Variants in ADGRL3 observed in about 807,000 individuals in gnomAD.
ADGRL3 encodes the protein adhesion G protein-coupled receptor L3.
In ADGRL3, 62 loss-of-function variants were observed where a neutral mutation model predicts 153.5. That is an observed-to-expected ratio of 0.40 (90% CI 0.33 to 0.50). The LOEUF is 0.50. Among genes scored for constraint, ADGRL3 ranks in the 20% least tolerant of loss-of-function variants. The pLI, the probability that ADGRL3 is intolerant of heterozygous loss-of-function variation, is 0.47. For missense variants in ADGRL3, 1,641 were observed against 1,859.4 expected (o/e 0.88, Z 2.16); for synonymous variants, 710 against 672.5 (o/e 1.06, Z -0.86).
At chr4:61,982,368 T>G (rs1340889445) in intron 18 of ADGRL3, among the ~76,000 whole-genome samples, 1 of 152,182 alleles carries the variant, frequency 6.6e-6, no homozygotes, top group African/African-American at 2.4e-5. Flanking sequence ...GGACCAGCTT[T>G]CTTTCTAGCT....
At chr4:61,496,430 G>A (rs1374842893) in intron 2 of ADGRL3, among the ~76,000 whole-genome samples, 2 of 151,284 alleles carry the variant, frequency 1.3e-5, no homozygotes, top group African/African-American at 4.9e-5. Flanking sequence ...TTGGGAGGCC[G>A]AGGCGGGTGG....
At chr4:61,739,411 C>T (rs984627027) in intron 8 of ADGRL3, among the ~76,000 whole-genome samples, 5 of 151,790 alleles carry the variant, frequency 3.3e-5, no homozygotes, top group African/African-American at 9.7e-5. Context: ...TGGGTTCAAA[C>T]GATTCTCGAG....
intron 2 of ADGRL3, among the ~76,000 whole-genome samples, chr4:61,393,141 G>A (rs1208325808): frequency 6.6e-6 from 1 of 151,980 alleles, no homozygotes; most frequent in Non-Finnish European, 1.5e-5. Flanking sequence ...CAATTAGCAA[G>A]AACAGCACTA....
At chr4:61,589,213 T>C (rs575741709) in intron 5 of ADGRL3, among the ~76,000 whole-genome samples, 2 of 152,160 alleles carry the variant, frequency 1.3e-5, no homozygotes, top group East Asian at 3.9e-4. Context: ...CAAATATGAG[T>C]TGTCAGTTAG....
chr4:61,459,764 C>G (rs1185983841), intron 2 of ADGRL3, among the ~76,000 whole-genome samples: 1 of 152,052 alleles, frequency 6.6e-6, no homozygotes, highest in Non-Finnish European at 1.5e-5. Context: ...GATGCTATCT[C>G]ACTGTGGTTT....
rs1201706413 is a variant in ADGRL3 at position 61,664,159 on chromosome 4, G to A, written c.474-12667G>A. 6.6e-5 allele frequency among the ~76,000 whole-genome samples: 10 copies of A among 152,104 alleles called. No homozygotes were observed. The South Asian group carries it at 1.5e-3, about 22-fold the overall frequency. On this transcript the variant is annotated intron_variant, in intron 5 of 26. Transcript: ENST00000683033. ...TGAAAACAAATGTAATGTTTTGGGG[G>A]CAAAGAGATATGTAGTAAATATATG...
intron 1 of ADGRL3, among the ~76,000 whole-genome samples, chr4:61,275,112 A>T (rs757874613): frequency 6.6e-6 from 1 of 152,176 alleles, no homozygotes; most frequent in Non-Finnish European, 1.5e-5. Flanking sequence ...TTTATAGATG[A>T]TGGAGTCAAC....
chr4:61,598,155 C>T (rs1194538839), intron 5 of ADGRL3, among the ~76,000 whole-genome samples: 1 of 151,228 alleles, frequency 6.6e-6, no homozygotes, highest in Non-Finnish European at 1.5e-5. Flanking sequence ...CCTGCTGTGA[C>T]ATTAAAAAAA....
intron 14 of ADGRL3, 67 bp downstream of exon 14, chr4:61,935,090 G>A: frequency 7.4e-7 from 1 of 1,354,072 alleles, no homozygotes; most frequent in South Asian, 1.2e-5. Context: ...AAAGAAAAAA[G>A]TATCTCTGGT....
intron 2 of ADGRL3, among the ~76,000 whole-genome samples, chr4:61,421,346 A>C (rs1161817115): frequency 6.6e-6 from 1 of 151,036 alleles, no homozygotes; most frequent in Non-Finnish European, 1.5e-5. Context: ...AAAAACAAAC[A>C]AACCAAAAAA....
chr4:62,006,032 A>ATATATATATATTTT (rs1203029363), intron 21 of ADGRL3, among the ~76,000 whole-genome samples: 1 of 73,086 alleles, frequency 1.4e-5, no homozygotes, highest in African/African-American at 5.0e-5. Flanking sequence ...ATATATATAT[A>ATATATATATATTTT]TTTTTTTTTT....
In ADGRL3 at chr4:61,291,536, C is replaced by T. The variant is rs1044133253; in HGVS notation, c.-240+89771C>T. 4.9e-5 allele frequency among the ~76,000 whole-genome samples: 4 copies of T among 82,288 alleles called. No homozygotes were observed. The South Asian group carries it at 1.5e-3, about 31-fold the overall frequency. 54.0% of individuals were successfully genotyped at this position (82,288 alleles called of 152,430 possible). On this transcript the variant is annotated intron_variant, in intron 1 of 26. Transcript: ENST00000683033. ...GGGGATGGTGGTCCTGGAACCACTT[C>T]CTTGGATATGAAGGGAAGACTATAT...
At chr4:61,728,500 C>T (rs545884721) in intron 6 of ADGRL3, among the ~76,000 whole-genome samples, 1 of 152,118 alleles carries the variant, frequency 6.6e-6, no homozygotes, top group East Asian at 1.9e-4. Flanking sequence ...CATAGCCTGT[C>T]TTCTCATTAA....
At chr4:61,740,386 G>A (rs1194077074) in intron 8 of ADGRL3, among the ~76,000 whole-genome samples, 1 of 152,164 alleles carries the variant, frequency 6.6e-6, no homozygotes, top group Non-Finnish European at 1.5e-5. Flanking sequence ...GCTGGTGGGA[G>A]GGGGTCAGAT....
chr4:61,927,709 A>G (rs1458191605), intron 13 of ADGRL3, among the ~76,000 whole-genome samples: 4 of 152,156 alleles, frequency 2.6e-5, no homozygotes, highest in African/African-American at 9.6e-5. Context: ...TGACCTTTAC[A>G]TTTTGATTTG....
intron 4 of ADGRL3, among the ~76,000 whole-genome samples, chr4:61,577,150 T>TTGTG (rs150685671): frequency 4.1e-4 from 60 of 147,282 alleles, no homozygotes; most frequent in African/African-American, 9.2e-4. Context: ...CAGTGAATAA[T>TTGTG]TGTGTGTGTG....
At chr4:61,988,514 G>A (rs916199165) in intron 19 of ADGRL3, among the ~76,000 whole-genome samples, 2 of 152,060 alleles carry the variant, frequency 1.3e-5, no homozygotes, top group African/African-American at 4.8e-5. Flanking sequence ...GGCTGTCATT[G>A]ACTTAATAGT....
intron 25 of ADGRL3, among the ~76,000 whole-genome samples, chr4:62,054,114 G>T (rs1336902097): frequency 6.6e-6 from 1 of 151,426 alleles, no homozygotes; most frequent in Non-Finnish European, 1.5e-5. Flanking sequence ...AATATTTTTT[G>T]CTAAGTGCCT....
chr4:61,497,395 A>T, intron 3 of ADGRL3, 47 bp downstream of exon 3: 1 of 1,240,230 alleles, frequency 8.1e-7, no homozygotes, highest in Non-Finnish European at 1.2e-6. Flanking sequence ...TGTCTCACTT[A>T]TTCATACTGG....
Sources: allele counts gnomAD v4.1 joint callset (sites outside exome capture counted in the v4.1 genomes callset), GRCh38; gene constraint gnomAD v4.1.1; transcripts MANE v1.5; gene names NCBI Gene and HGNC (gene_info 2026-07-23, HGNC 2026-07-21).